EPHA6: variants seen among roughly 807,000 people sequenced by gnomAD.
EPHA6 encodes ephrin type-A receptor 6.
In EPHA6, 50 loss-of-function variants were observed where a neutral mutation model predicts 112.0. The observed-to-expected ratio is 0.45, with a 90% CI of 0.36 to 0.56. The LOEUF (loss-of-function observed/expected upper bound fraction) is 0.56, where lower values mean the gene tolerates loss of function less well. Among genes scored for constraint, EPHA6 ranks in the 20% least tolerant of loss-of-function variants. The pLI is 0.00. For missense variants in EPHA6, 1,280 were observed against 1,417.4 expected (o/e 0.90, Z 1.56); for synonymous variants, 529 against 490.7 (o/e 1.08, Z -1.03).
intron 13 of EPHA6, among the ~76,000 whole-genome samples, chr3:97,632,742 T>A (rs527722386): frequency 4.5e-4 from 69 of 151,932 alleles, no homozygotes; most frequent in African/African-American, 1.4e-3. Context: ...ATGCAAAAAA[T>A]AAATAAATAA....
chr3:97,748,529 C>A, intron 17 of EPHA6, 58 bp from the exon 18 acceptor site: 1 of 808,532 alleles, frequency 1.2e-6, no homozygotes, highest in Non-Finnish European at 2.2e-6. Flanking sequence ...CTCTCTCTCT[C>A]TCTCTCTCTT....
intron 11 of EPHA6, among the ~76,000 whole-genome samples, chr3:97,560,993 A>G (rs187611960): frequency 1.3e-5 from 2 of 152,102 alleles, no homozygotes; most frequent in Admixed American, 1.3e-4. Flanking sequence ...TGTTACTATT[A>G]TAACAGTTTT....
chr3:96,834,501 C>T (rs996200918), intron 1 of EPHA6, among the ~76,000 whole-genome samples: 7 of 151,944 alleles, frequency 4.6e-5, no homozygotes, highest in South Asian at 2.1e-4. Flanking sequence ...AAGCTCAAGA[C>T]GTCGGAGTTG....
At chr3:96,914,745 ATAATC>A (rs1171611763) in intron 2 of EPHA6, among the ~76,000 whole-genome samples, 1 of 152,082 alleles carries the variant, frequency 6.6e-6, no homozygotes, top group Non-Finnish European at 1.5e-5. Flanking sequence ...AAATACATAC[ATAATC>A]TAGAGTAAAG....
At chr3:97,014,790 G>T (rs1490560016) in intron 3 of EPHA6, among the ~76,000 whole-genome samples, 1 of 152,124 alleles carries the variant, frequency 6.6e-6, no homozygotes, top group African/African-American at 2.4e-5. Flanking sequence ...TAAAGGATCA[G>T]AAATTCTTTT....
At chr3:97,427,254 A>G (rs1270768752) in intron 6 of EPHA6, among the ~76,000 whole-genome samples, 1 of 152,206 alleles carries the variant, frequency 6.6e-6, no homozygotes, top group Non-Finnish European at 1.5e-5. Context: ...TGTTCACTGC[A>G]GAACCATTCA....
intron 4 of EPHA6, among the ~76,000 whole-genome samples, chr3:97,239,123 A>G (rs1394358458): frequency 1.3e-5 from 2 of 151,938 alleles, no homozygotes; most frequent in African/African-American, 4.8e-5. Context: ...GTTTTGCCAT[A>G]TGGAATGCAA....
At chr3:97,510,346 T>C (rs1456374829) in intron 10 of EPHA6, among the ~76,000 whole-genome samples, 1 of 152,188 alleles carries the variant, frequency 6.6e-6, no homozygotes, top group Non-Finnish European at 1.5e-5. Flanking sequence ...GTCTTTGATG[T>C]TGGTGACCTT....
intron 11 of EPHA6, among the ~76,000 whole-genome samples, chr3:97,574,594 G>A (rs1323265389): frequency 6.6e-6 from 1 of 152,026 alleles, no homozygotes; most frequent in African/African-American, 2.4e-5. Context: ...GCAAGCAATA[G>A]AGAAAGGGCA....
At chr3:97,037,826 T>C (rs568606445) in intron 3 of EPHA6, among the ~76,000 whole-genome samples, 1 of 152,126 alleles carries the variant, frequency 6.6e-6, no homozygotes, top group Non-Finnish European at 1.5e-5. Flanking sequence ...ATTCAGGGCA[T>C]GGAAAATAAT....
chr3:97,664,107 G>T (rs1320346306), intron 14 of EPHA6, among the ~76,000 whole-genome samples: 1 of 152,138 alleles, frequency 6.6e-6, no homozygotes, highest in Non-Finnish European at 1.5e-5. Context: ...ATTTTTTCAT[G>T]TGTGTTTTGG....
chr3:97,333,675 C>T (rs2082916116), intron 5 of EPHA6, among the ~76,000 whole-genome samples: 1 of 151,800 alleles, frequency 6.6e-6, no homozygotes, highest in South Asian at 2.1e-4. Flanking sequence ...ATGGAAGACT[C>T]ACTAAGTTGC....
At chr3:97,316,119 A>G (rs2108767705) in intron 5 of EPHA6, among the ~76,000 whole-genome samples, 1 of 151,972 alleles carries the variant, frequency 6.6e-6, no homozygotes, top group South Asian at 2.1e-4. Flanking sequence ...AAAATGAAAT[A>G]ATAATGCAAC....
intron 15 of EPHA6, among the ~76,000 whole-genome samples, chr3:97,724,422 C>T (rs989749662): frequency 5.0e-4 from 76 of 152,048 alleles, no homozygotes; most frequent in Non-Finnish European, 2.4e-4. Flanking sequence ...GTTAAGCATG[C>T]GCCAGTCATT....
At chr3:97,046,932 T>C (rs1032521094) in intron 3 of EPHA6, among the ~76,000 whole-genome samples, 7 of 152,150 alleles carry the variant, frequency 4.6e-5, no homozygotes, top group African/African-American at 1.7e-4. Context: ...AATACAAGAA[T>C]TGTCTAAATG....
At chr3:97,151,347 G>T (rs578198092) in intron 3 of EPHA6, among the ~76,000 whole-genome samples, 37 of 152,064 alleles carry the variant, frequency 2.4e-4, no homozygotes, top group Admixed American at 2.1e-3. Flanking sequence ...CCTTAATTCT[G>T]TACCAAACAA....
chr3:96,831,056 G>T (rs1293912687), intron 1 of EPHA6, among the ~76,000 whole-genome samples: 1 of 151,932 alleles, frequency 6.6e-6, no homozygotes, highest in Non-Finnish European at 1.5e-5. Context: ...GCTGATTTAA[G>T]AAAAATAATT....
intron 14 of EPHA6, among the ~76,000 whole-genome samples, chr3:97,703,479 G>C (rs967455998): frequency 6.6e-6 from 1 of 152,128 alleles, no homozygotes; most frequent in South Asian, 2.1e-4. Flanking sequence ...GTTTAATGCT[G>C]TAAAAGTTGT....
At chr3:97,504,972 ATT>A (rs1257340752) in intron 10 of EPHA6, among the ~76,000 whole-genome samples, 3 of 151,906 alleles carry the variant, frequency 2.0e-5, no homozygotes, top group African/African-American at 7.3e-5. Context: ...TTTTAAAAAT[ATT>A]TTCTTTTTTT....
Sources: allele counts gnomAD v4.1 joint callset (sites outside exome capture counted in the v4.1 genomes callset), GRCh38; gene constraint gnomAD v4.1.1; transcripts MANE v1.5; gene names NCBI Gene and HGNC (gene_info 2026-07-23, HGNC 2026-07-21).